ZAN: variants seen among roughly 807,000 people sequenced by gnomAD.
The protein encoded by ZAN is zonadhesin.
Under a neutral mutation model 286.2 loss-of-function variants are expected in ZAN, and 260 were observed. The observed-to-expected ratio is 0.91, with a 90% CI of 0.82 to 1.01. ZAN has a LOEUF of 1.01. Ranked by LOEUF, ZAN falls within the 50% of genes least tolerant of loss-of-function variation. ZAN has a pLI of 0.00. For synonymous variants in ZAN, 1,368 were observed against 1,417.5 expected, an observed-to-expected ratio of 0.97 and a Z score of 0.79; for missense variants, 3,410 against 3,639.2, an observed-to-expected ratio of 0.94 and a Z score of 1.62.
At position 100,766,525 on chromosome 7, in the gene ZAN, G is replaced by A. The variant is rs930968487; in HGVS notation, c.4471G>A (p.Val1491Ile). Reference protein sequence around the residue: ...CLHPAGSYFKVGERWYKPGCK... With the variant: ...CLHPAGSYFKIGERWYKPGCK... ...CTTCCTTCCCTGCTGTCTTCCCCAG[G>A]TAGGGGAGCGGTGGTACAAGCCAGG... The change falls in exon 24 of 48, where the codon GTA (valine) becomes ATA (isoleucine). Residue 1491 changes from valine to isoleucine, a missense_variant and splice_region_variant. By Grantham distance (29) the Val-to-Ile change is conservative. This residue lies in a region of ZAN where 1,042 missense variants were observed against 1,058.0 expected (regional missense o/e 0.98). Coordinates refer to ENST00000613979, the MANE Select transcript of ZAN (RefSeq NM_003386.3). 5.2e-6 allele frequency: 8 copies of A among 1,549,454 alleles called. No homozygotes were observed. In the African/African-American group the frequency reaches 8.2e-5, roughly 16 times the overall value.
intron 35 of ZAN, among the ~76,000 whole-genome samples, chr7:100,783,787 CAT>C (rs1270251756): frequency 0.012 from 127 of 10,642 alleles, 3 homozygotes; most frequent in African/African-American, 0.022. Context: ...TATATATACA[CAT>C]ATATATATAT....
rs1202115524 is a variant in ZAN, at chr7:100,791,021, G to T, written c.7437G>T (p.Met2479Ile). 1 of 1,612,860 alleles carries T rather than the reference G, an allele frequency of 6.2e-7. No homozygotes were observed. Among genetic ancestry groups the T allele is most frequent in the Admixed American group, 1.7e-5 (1 of 59,824 alleles). The change falls in exon 40 of 48, where the codon ATG (methionine) becomes ATT (isoleucine). Residue 2479 changes from methionine (M) to isoleucine (I), a missense_variant. By Grantham distance (10) the Met-to-Ile change is conservative. Transcript: ENST00000613979. ...ACGACAAGAACCGCAAGAATGACAT[G>T]ATGCTGCCCAGTGGCGCCCTGACCC... ...GNYDKNRKND[M>I]MLPSGALTQN...
chr7:100,761,120 C>T (rs1031593083), intron 19 of ZAN, among the ~76,000 whole-genome samples: 5 of 152,140 alleles, frequency 3.3e-5, no homozygotes, highest in Non-Finnish European at 7.3e-5. Flanking sequence ...TCTCGAACTC[C>T]TGACTTCAGG....
chr7:100,771,992 CCCTGCCTGGCGG>C lies in ZAN; in HGVS notation c.5398_5409del (p.Pro1800_Arg1803del), dbSNP rs758044884. The C allele has an allele frequency of 1.5e-5, 24 of 1,605,638 alleles. No homozygotes were observed. The South Asian group carries it at 2.6e-4, about 18-fold the overall frequency. On this transcript the variant is annotated inframe_deletion, in exon 29 of 48. Coordinates refer to ENST00000613979, the MANE Select transcript of ZAN (RefSeq NM_003386.3). Reference sequence around the variant, plus strand: ...CCCTGTGTGCCCAGGCTGGCCAGGCCCCTGCCTGGCGGAACAGAACCTTCTGCCGTGAGTGAC... The same window carrying C: ...CCCTGTGTGCCCAGGCTGGCCAGGCCAACAGAACCTTCTGCCGTGAGTGAC...
In ZAN at chr7:100,736,574, C is replaced by G; in HGVS notation, c.198C>G (p.Ala66=). 6.6e-7 allele frequency: 1 copy of G among 1,523,270 alleles called. No individual in the cohort carries two copies. Among genetic ancestry groups the G allele is most frequent in the Non-Finnish European group, 9.0e-7 (1 of 1,107,610 alleles). 94.4% of individuals were successfully genotyped at this position (1,523,270 alleles called of 1,614,324 possible). The stretch of plus-strand genomic sequence containing the variant: ...CAGACGATGAAGACTGGGTTCGAGC[C>G]AGTGGGCCCTCTCCCACCGGCTCCA... The part of the protein sequence containing the change: ...VSADDEDWVR[A]SGPSPTGSTG... The change falls in exon 4 of 48, where the codon GCC becomes GCG. Residue 66 remains alanine (A), a synonymous_variant. Coordinates refer to ENST00000613979, the MANE Select transcript of ZAN (RefSeq NM_003386.3).
chr7:100,787,898 A>G lies in ZAN; in HGVS notation c.6989A>G (p.Gln2330Arg). ...TCTGACTTCTTGGCAGAGTCTGAACAATGCTCAGTCTATGGCGACCCCCGT... is the reference window on the plus strand; with the variant it reads ...TCTGACTTCTTGGCAGAGTCTGAACGATGCTCAGTCTATGGCGACCCCCGT... The part of the protein sequence containing the change: ...NSNCVSDKSE[Q>R]CSVYGDPRYL... Residue 2330 changes from glutamine (Q) to arginine (R), a missense_variant, in exon 38 of 48, where the codon CAA (glutamine) becomes CGA (arginine). Physicochemically the swap from Gln to Arg is conservative, Grantham distance 43. Coordinates refer to ENST00000613979, the MANE Select transcript of ZAN (RefSeq NM_003386.3). The G allele has an allele frequency of 6.6e-7, 1 of 1,522,730 alleles. No homozygotes were observed. The highest frequency in any genetic ancestry group is 8.9e-7 in the Non-Finnish European group (1 of 1,118,770). The allele number at this position is 1,522,730 out of a possible 1,614,324, so 94.3% of individuals were successfully genotyped here.
intron 35 of ZAN, among the ~76,000 whole-genome samples, chr7:100,780,161 C>G (rs1458204659): frequency 6.6e-6 from 1 of 151,586 alleles, no homozygotes; most frequent in East Asian, 1.9e-4. Flanking sequence ...CCGTTGCACT[C>G]CAGCCTGGGC....
chr7:100,793,159 G>A (rs1265593567), intron 42 of ZAN, among the ~76,000 whole-genome samples: 1 of 151,612 alleles, frequency 6.6e-6, no homozygotes, highest in Admixed American at 6.6e-5. Context: ...GGGAACCAGT[G>A]AGACCCCATC....
In ZAN at chr7:100,746,714, G is replaced by A. The variant is rs1043279090; in HGVS notation, c.931+12G>A. On this transcript the variant is annotated intron_variant, in intron 8 of 47. Coordinates refer to ENST00000613979, the MANE Select transcript of ZAN (RefSeq NM_003386.3). ...TGCTTCAGTCTTGGGTTAGAGCGGAGAATTAATGGGATTTACACTGATCTG... is the reference window on the plus strand; with the variant it reads ...TGCTTCAGTCTTGGGTTAGAGCGGAAAATTAATGGGATTTACACTGATCTG... The A allele has an allele frequency of 9.3e-6, 15 of 1,613,534 alleles. No individual in the cohort carries two copies. The highest frequency in any genetic ancestry group is 1.2e-5 in the Non-Finnish European group (14 of 1,179,742).
chr7:100,745,751 T>A (rs886248286), intron 7 of ZAN, among the ~76,000 whole-genome samples: 8 of 150,200 alleles, frequency 5.3e-5, no homozygotes, highest in African/African-American at 1.7e-4. Context: ...CTGGGCGGAC[T>A]CCAGGTCCGC....
At chr7:100,756,668 C>T (rs1304608949) in intron 15 of ZAN, among the ~76,000 whole-genome samples, 1 of 151,958 alleles carries the variant, frequency 6.6e-6, no homozygotes, top group African/African-American at 2.4e-5. Context: ...AAGCTCTTCC[C>T]TCTGCCCTAG....
At chr7:100,755,146 T>G in intron 14 of ZAN, 80 bp from the exon 15 acceptor site, 1 of 1,469,074 alleles carries the variant, frequency 6.8e-7, no homozygotes. Flanking sequence ...AGAACTTGAG[T>G]TTGGGGGTAG....
In ZAN at chr7:100,771,991, C is replaced by A; in HGVS notation, c.5396C>A (p.Ala1799Asp). 6.2e-7 allele frequency: 1 copy of A among 1,605,828 alleles called. No homozygotes were observed. The highest frequency in any genetic ancestry group is 8.5e-7 in the Non-Finnish European group (1 of 1,178,282). The change falls in exon 29 of 48, where the codon GCC becomes GAC. Residue 1799 changes from alanine (A) to aspartate (D), a missense_variant. This residue lies in a region of ZAN where 1,289 missense variants were observed against 1,314.3 expected (regional missense o/e 0.98). Coordinates refer to ENST00000613979, the MANE Select transcript of ZAN (RefSeq NM_003386.3). The stretch of plus-strand genomic sequence containing the variant: ...TCCCTGTGTGCCCAGGCTGGCCAGG[C>A]CCCTGCCTGGCGGAACAGAACCTTC... ...YASLCAQAGQAPAWRNRTFCP... is the reference protein window; with the variant it reads ...YASLCAQAGQDPAWRNRTFCP...
rs756381924 is a variant in ZAN, at chr7:100,755,261, G to A, written c.3160G>A (p.Ala1054Thr). The A allele has an allele frequency of 6.2e-7, 1 of 1,613,794 alleles. No individual in the cohort carries two copies. The highest frequency in any genetic ancestry group is 8.5e-7 in the Non-Finnish European group (1 of 1,179,828). ...TCCAAATGCCCGCTACGAATCCTGTGCTTGTCCTGCTTCGTGCAAGAGCCC... is the reference window on the plus strand; with the variant it reads ...TCCAAATGCCCGCTACGAATCCTGTACTTGTCCTGCTTCGTGCAAGAGCCC... ...CPPNARYESC[A>T]CPASCKSPRP... Residue 1054 changes from alanine to threonine, a missense_variant, in exon 15 of 48, where the codon GCT becomes ACT. Transcript: ENST00000613979.
chr7:100,789,379 G>T, intron 39 of ZAN, 32 bp downstream of exon 39: 3 of 1,604,620 alleles, frequency 1.9e-6, no homozygotes, highest in South Asian at 1.1e-5. Flanking sequence ...AGAGCAAAAG[G>T]GCCATTTCTG....
chr7:100,753,832 TAA>T (rs59347418), intron 14 of ZAN, among the ~76,000 whole-genome samples: 62 of 73,178 alleles, frequency 8.5e-4, no homozygotes, highest in East Asian at 3.0e-3. Flanking sequence ...GACATCGTCC[TAA>T]AAAAAAAAAA....
intron 38 of ZAN, 124 bp from the exon 39 acceptor site, chr7:100,789,094 T>C: frequency 7.5e-6 from 10 of 1,339,614 alleles, no homozygotes; most frequent in Non-Finnish European, 9.9e-6. Context: ...CCCATTGGGG[T>C]ATCTTATTCC....
intron 45 of ZAN, among the ~76,000 whole-genome samples, chr7:100,795,779 G>T (rs1013468748): frequency 6.6e-6 from 1 of 151,820 alleles, no homozygotes; most frequent in African/African-American, 2.4e-5. Flanking sequence ...GGTGGTGTGC[G>T]CCTGTAGTCC....
intron 31 of ZAN, among the ~76,000 whole-genome samples, chr7:100,774,360 G>A (rs529212379): frequency 2.0e-5 from 3 of 151,778 alleles, no homozygotes; most frequent in Middle Eastern, 3.4e-3. Context: ...ACAAAACTCC[G>A]TCTCTAAATA....
Sources: allele counts gnomAD v4.1 joint callset (sites outside exome capture counted in the v4.1 genomes callset), GRCh38; gene constraint gnomAD v4.1.1; regional missense constraint gnomAD v4.1.1; transcripts MANE v1.5; gene names NCBI Gene and HGNC (gene_info 2026-07-23, HGNC 2026-07-21).